The following MAP3K2 variants were observed in gnomAD, a reference collection of about 807,000 sequenced individuals.
MAP3K2 encodes mitogen-activated protein kinase kinase kinase 2.
A neutral mutation model predicts 80.3 loss-of-function variants in MAP3K2; 24 were observed. The observed-to-expected ratio is 0.30, with a 90% CI of 0.22 to 0.42. The LOEUF (loss-of-function observed/expected upper bound fraction) is 0.42, where lower values mean the gene tolerates loss of function less well. MAP3K2 is among the 10% of genes least tolerant of loss of function. The probability of loss-of-function intolerance (pLI) is 1.00; values close to 1 mark genes in which losing one functional copy is unlikely to be tolerated. For missense variants in MAP3K2, 608 were observed against 750.1 expected (o/e 0.81, Z 2.21); for synonymous variants, 244 against 253.7 (o/e 0.96, Z 0.36).
chr2:127,375,866 G>C (rs552712141), intron 1 of MAP3K2, among the ~76,000 whole-genome samples: 39 of 151,916 alleles, frequency 2.6e-4, no homozygotes, highest in African/African-American at 9.2e-4. Context: ...AGCACACAAT[G>C]AACTGAACTG....
At position 127,331,391 on chromosome 2, in the gene MAP3K2, T is replaced by C. The variant is rs534482008; in HGVS notation, c.265-886A>G. On this transcript the variant is annotated intron_variant, in intron 5 of 16. Transcript: ENST00000682094. ...AACCTGCTCTACTCAGCACAATATATGAGCCATTAAAATGCAAGGCTGAAT... is the reference window on the plus strand; with the variant it reads ...AACCTGCTCTACTCAGCACAATATACGAGCCATTAAAATGCAAGGCTGAAT... Among the ~76,000 whole-genome samples, 23 of 152,294 alleles carry C rather than the reference T, an allele frequency of 1.5e-4. No individual in the cohort carries two copies. The East Asian group carries it at 2.7e-3, about 18-fold the overall frequency.
rs1470512255 is a variant in MAP3K2, at chr2:127,306,783, G to C, written c.*796C>G. 2 of 152,316 alleles carry C rather than the reference G, an allele frequency of 1.3e-5. No homozygotes were observed. Among genetic ancestry groups the C allele is most frequent in the East Asian group, 3.9e-4 (2 of 5,182 alleles). The allele number at this position is 152,316 out of a possible 1,614,324, so 9.4% of individuals were successfully genotyped here. A position where few individuals can be genotyped will look rare whatever the true frequency, so the allele number is the denominator to read the frequency against. ...CTTCTACTGCTCACACATTTGATAA[G>C]AGTGATGTCCTTTTGTCTTTTATTT... On this transcript the variant is annotated 3_prime_UTR_variant, in exon 17 of 17. Coordinates refer to ENST00000682094, the MANE Select transcript of MAP3K2 (RefSeq NM_001371910.2). This position sits in a 1 kb window ranked among gnomAD's most constrained non-coding sequence, Gnocchi z 4.7.
intron 5 of MAP3K2, among the ~76,000 whole-genome samples, chr2:127,331,981 C>G (rs901041909): frequency 4.6e-5 from 7 of 152,258 alleles, no homozygotes; most frequent in Non-Finnish European, 1.0e-4. Context: ...ATCAGACAAT[C>G]TGCTTGCATT....
At position 127,338,974 on chromosome 2, in the gene MAP3K2, C is replaced by A. The variant is rs1470548700; in HGVS notation, c.81G>T (p.Leu27Phe). The A allele has an allele frequency of 2.5e-6, 4 of 1,611,922 alleles. No homozygotes were observed. Among genetic ancestry groups the A allele is most frequent in the East Asian group, 2.2e-5 (1 of 44,832 alleles). Residue 27 changes from leucine (L) to phenylalanine (F), a missense_variant, in exon 3 of 17, where the codon TTG (leucine) becomes TTT (phenylalanine). Physicochemically the swap from Leu to Phe is conservative, Grantham distance 22 (BLOSUM62 0). Coordinates refer to ENST00000682094, the MANE Select transcript of MAP3K2 (RefSeq NM_001371910.2). ...AAGATTTTGCTTTTCTGGTTTCCTG[C>A]AAGGATAATGCTGGTCGACTGGCCT... Reference protein sequence around the residue: ...LHKASRPALSLQETRKAKSSS... With the variant: ...LHKASRPALSFQETRKAKSSS...
At chr2:127,311,516 G>A (rs1373301737) in intron 15 of MAP3K2, among the ~76,000 whole-genome samples, 2 of 152,166 alleles carry the variant, frequency 1.3e-5, no homozygotes, top group Non-Finnish European at 2.9e-5. Context: ...TTTTGGACAT[G>A]TTAAAAATAA....
rs1686053656 is a variant in MAP3K2 at position 127,322,863 on chromosome 2, G to A, written c.839-611C>T. ...ACCCGCCTCGGCCTCCCAAAGTGCT[G>A]GGATTACAGGCATGAGCCACCGCAC... On this transcript the variant is annotated intron_variant, in intron 11 of 16. Transcript: ENST00000682094. This position sits in a 1 kb window ranked among gnomAD's most constrained non-coding sequence, Gnocchi z 4.2. Among the ~76,000 whole-genome samples, 1 of 151,654 alleles carries A rather than the reference G, an allele frequency of 6.6e-6. No homozygotes were observed. The highest frequency in any genetic ancestry group is 2.4e-5 in the African/African-American group (1 of 41,328).
At chr2:127,354,154 CTTGT>C (rs1686756900) in intron 1 of MAP3K2, among the ~76,000 whole-genome samples, 1 of 148,028 alleles carries the variant, frequency 6.8e-6, no homozygotes, top group Admixed American at 6.9e-5. Flanking sequence ...CCTTTGTTCA[CTTGT>C]TTATCTGCTG....
chr2:127,304,185 G>A lies in MAP3K2; in HGVS notation c.*3394C>T, dbSNP rs1458565422. ...ACTGTGCCTTTTAAAACTTTCTAAG[G>A]CAATAGTCATTTTTTTAAGTTAGAA... On this transcript the variant is annotated 3_prime_UTR_variant, in exon 17 of 17. Transcript: ENST00000682094. 1 of 151,908 alleles carries A rather than the reference G, an allele frequency of 6.6e-6. No homozygotes were observed. Among genetic ancestry groups the A allele is most frequent in the Non-Finnish European group, 1.5e-5 (1 of 67,954 alleles). 9.4% of individuals were successfully genotyped at this position (151,908 alleles called of 1,614,324 possible).
At position 127,325,744 on chromosome 2, in the gene MAP3K2, C is replaced by A. The variant is rs1161278862; in HGVS notation, c.661G>T (p.Asp221Tyr). The stretch of plus-strand genomic sequence containing the variant: ...AAACATTACCCATCCAAAGGACTAT[C>A]AAGTGATGGACAACTTCCTGAGCCA... ...NSGSGSCPSL[D>Y]SPLDGESYPK... is the part of the protein sequence containing the mutation. Residue 221 changes from aspartate to tyrosine, a missense_variant, in exon 9 of 17, where the codon GAT becomes TAT. By Grantham distance (160) the Asp-to-Tyr change is radical. Coordinates refer to ENST00000682094, the MANE Select transcript of MAP3K2 (RefSeq NM_001371910.2). 1 of 1,612,466 alleles carries A rather than the reference C, an allele frequency of 6.2e-7. No individual in the cohort carries two copies. The highest frequency in any genetic ancestry group is 8.5e-7 in the Non-Finnish European group (1 of 1,178,824).
intron 7 of MAP3K2, among the ~76,000 whole-genome samples, chr2:127,327,565 CAAA>C (rs35285745): frequency 1.5e-5 from 2 of 130,220 alleles, no homozygotes; most frequent in Non-Finnish European, 1.7e-5. Context: ...GAGATAGGAC[CAAA>C]AAAAAAAAAA....
intron 2 of MAP3K2, among the ~76,000 whole-genome samples, chr2:127,342,388 G>GGGGTGT (rs143219830): frequency 0.013 from 1,915 of 147,836 alleles, 18 homozygotes; most frequent in Admixed American, 0.024. Context: ...TCTTCATGAG[G>GGGGTGT]GTGTGTGTGT....
At chr2:127,360,650 C>T (rs1686869677) in intron 1 of MAP3K2, among the ~76,000 whole-genome samples, 1 of 152,158 alleles carries the variant, frequency 6.6e-6, no homozygotes, top group African/African-American at 2.4e-5. Flanking sequence ...CAACTCTGAT[C>T]ATTGATTTTA....
chr2:127,360,473 A>G (rs1686865893), intron 1 of MAP3K2, among the ~76,000 whole-genome samples: 1 of 152,226 alleles, frequency 6.6e-6, no homozygotes, highest in East Asian at 1.9e-4. Flanking sequence ...GAGATGATGA[A>G]TATGTTCACT....
rs2104913611 is a variant in MAP3K2 at position 127,387,432 on chromosome 2, GCA to G, written c.-66+18_-66+19del. 2.6e-6 allele frequency: 2 copies of G among 780,972 alleles called. No homozygotes were observed. The highest frequency in any genetic ancestry group is 2.9e-6 in the Non-Finnish European group (2 of 692,758). The allele number at this position is 780,972 out of a possible 1,614,324, so 48.4% of individuals were successfully genotyped here. A position where few individuals can be genotyped will look rare whatever the true frequency, so the allele number is the denominator to read the frequency against. On this transcript the variant is annotated intron_variant, in intron 1 of 16. Coordinates refer to ENST00000682094, the MANE Select transcript of MAP3K2 (RefSeq NM_001371910.2). ...CACACACACACACACAAGCGCGCGC[GCA>G]CGCACACACGCACGTACCGGCTGCT...
At chr2:127,382,988 G>A (rs1429501864) in intron 1 of MAP3K2, among the ~76,000 whole-genome samples, 3 of 152,252 alleles carry the variant, frequency 2.0e-5, no homozygotes, top group Non-Finnish European at 4.4e-5. Context: ...TGGAAGCATG[G>A]TGCTGGCACC....
chr2:127,369,330 A>G (rs1041045200), intron 1 of MAP3K2, among the ~76,000 whole-genome samples: 1 of 151,232 alleles, frequency 6.6e-6, no homozygotes, highest in African/African-American at 2.4e-5. Flanking sequence ...TGACTGTATT[A>G]TTACAAAACA....
chr2:127,376,611 G>A (rs1397236036), intron 1 of MAP3K2, among the ~76,000 whole-genome samples: 3 of 152,142 alleles, frequency 2.0e-5, no homozygotes, highest in African/African-American at 7.2e-5. Context: ...CCCAAAGTGG[G>A]ACCCAAAGTA....
At chr2:127,366,389 A>G (rs1686972107) in intron 1 of MAP3K2, among the ~76,000 whole-genome samples, 1 of 151,634 alleles carries the variant, frequency 6.6e-6, no homozygotes, top group Non-Finnish European at 1.5e-5. Flanking sequence ...CTCTGGAAAA[A>G]AAAAAAAAAA....
chr2:127,375,856 A>G (rs1037934976), intron 1 of MAP3K2, among the ~76,000 whole-genome samples: 4 of 152,184 alleles, frequency 2.6e-5, no homozygotes, highest in Admixed American at 1.3e-4. Flanking sequence ...CCTTAGTAAC[A>G]GCACACAATG....
Sources: allele counts gnomAD v4.1 joint callset (sites outside exome capture counted in the v4.1 genomes callset), GRCh38; gene constraint gnomAD v4.1.1; non-coding constraint Gnocchi (gnomAD v3.1); transcripts MANE v1.5; gene names NCBI Gene and HGNC (gene_info 2026-07-23, HGNC 2026-07-21).